The following SORD variants were observed in gnomAD, a reference collection of about 807,000 sequenced individuals.
SORD encodes (R,R)-butanediol dehydrogenase.
SORD carries 18 observed loss-of-function variants against 35.6 expected under a neutral mutation model. The ratio of observed to expected loss-of-function variants is 0.51; its 90% CI spans 0.35 to 0.75. SORD has a LOEUF of 0.75. Ranked by LOEUF, SORD falls within the 30% of genes least tolerant of loss-of-function variation. The pLI is 0.01. For missense variants in SORD, 250 were observed against 390.2 expected, an observed-to-expected ratio of 0.64 and a Z score of 3.03; for synonymous variants, 106 against 152.9, an observed-to-expected ratio of 0.69 and a Z score of 2.26.
chr15:45,063,919 C>T (rs978118626), intron 4 of SORD, among the ~76,000 whole-genome samples: 3 of 147,324 alleles, frequency 2.0e-5, no homozygotes, highest in Admixed American at 6.9e-5. Flanking sequence ...GGAAAGAAGC[C>T]GAGGGGAAGG....
At chr15:45,027,244 A>G (rs1892689026) in intron 1 of SORD, among the ~76,000 whole-genome samples, 1 of 152,276 alleles carries the variant, frequency 6.6e-6, no homozygotes, top group South Asian at 2.1e-4. Flanking sequence ...AGAAGCAAAC[A>G]GTGTCAGCTT....
At chr15:45,045,390 G>A (rs1326166161) in intron 3 of SORD, among the ~76,000 whole-genome samples, 21 of 151,862 alleles carry the variant, frequency 1.4e-4, no homozygotes, top group East Asian at 3.9e-4. Flanking sequence ...AAAATTAGCC[G>A]GACATGGTGG....
chr15:45,031,347 G>T (rs77922744), intron 1 of SORD, among the ~76,000 whole-genome samples: 30,698 of 150,858 alleles, frequency 0.2, 6 homozygotes, highest in African/African-American at 0.43. Flanking sequence ...AAACAACAGG[G>T]AATGAACCGT....
At chr15:45,052,556 ACT>A (rs1041884876) in intron 3 of SORD, among the ~76,000 whole-genome samples, 10 of 152,050 alleles carry the variant, frequency 6.6e-5, no homozygotes, top group African/African-American at 9.7e-5. Context: ...AAAAACTCTG[ACT>A]CTAAATTTTT....
intron 1 of SORD, among the ~76,000 whole-genome samples, chr15:45,025,893 A>G (rs1043123513): frequency 6.6e-6 from 1 of 152,212 alleles, no homozygotes; most frequent in Non-Finnish European, 1.5e-5. Context: ...TGCACAACAA[A>G]GAGTTGTCCT....
chr15:45,075,264 C>A lies in SORD; in HGVS notation c.*1734C>A, dbSNP rs2141130696. ...CAAATGATGCTCCCCATGCCACCAC[C>A]CCCACCAAGCAGCTCCTACTGATGA... is the stretch of plus-strand genomic sequence containing the variant. On this transcript the variant is annotated 3_prime_UTR_variant, in exon 9 of 9. Coordinates refer to ENST00000267814, the MANE Select transcript of SORD (RefSeq NM_003104.6). 7.9e-6 allele frequency: 1 copy of A among 126,604 alleles called. No individual in the cohort carries two copies. 7.8% of individuals were successfully genotyped at this position (126,604 alleles called of 1,614,324 possible). A position where few individuals can be genotyped will look rare whatever the true frequency, so the allele number is the denominator to read the frequency against.
At chr15:45,046,564 T>C (rs1458273811) in intron 3 of SORD, among the ~76,000 whole-genome samples, 1 of 152,190 alleles carries the variant, frequency 6.6e-6, no homozygotes, top group African/African-American at 2.4e-5. Flanking sequence ...CATATTTTGG[T>C]GGTCATAAAG....
chr15:45,063,908 G>C (rs1893363588), intron 4 of SORD, among the ~76,000 whole-genome samples: 1 of 149,710 alleles, frequency 6.7e-6, no homozygotes, highest in Non-Finnish European at 1.5e-5. Context: ...GGGAAGTGAT[G>C]GGAAAGAAGC....
chr15:45,069,760 T>C (rs1893479164), intron 7 of SORD: 1 of 152,156 alleles, frequency 6.6e-6, no homozygotes, highest in Admixed American at 6.5e-5. Context: ...AAAACTGCAG[T>C]CTTTAGTCAC....
At chr15:45,031,051 C>T (rs1400326188) in intron 1 of SORD, among the ~76,000 whole-genome samples, 1 of 150,756 alleles carries the variant, frequency 6.6e-6, no homozygotes, top group Non-Finnish European at 1.5e-5. Flanking sequence ...TCGGGGCAGC[C>T]ATGGTGGTTC....
chr15:45,057,704 A>T (rs550379053), intron 3 of SORD, among the ~76,000 whole-genome samples: 2 of 152,206 alleles, frequency 1.3e-5, no homozygotes, highest in Non-Finnish European at 2.9e-5. Flanking sequence ...AATGGCATGA[A>T]CCTGGGAGGC....
At chr15:45,040,358 G>A in intron 1 of SORD, 50 bp from the exon 2 acceptor site, 2 of 1,020,646 alleles carry the variant, frequency 2.0e-6, no homozygotes, top group Non-Finnish European at 3.1e-6. Context: ...TGTTCATAAG[G>A]TGAAGTTCTT....
intron 3 of SORD, among the ~76,000 whole-genome samples, chr15:45,053,365 G>C (rs1893159413): frequency 6.6e-6 from 1 of 152,192 alleles, no homozygotes; most frequent in South Asian, 2.1e-4. Context: ...TGCTGAACTT[G>C]ATACATTAAG....
chr15:45,039,997 G>A (rs977260500), intron 1 of SORD, among the ~76,000 whole-genome samples: 6 of 152,254 alleles, frequency 3.9e-5, no homozygotes, highest in Non-Finnish European at 7.4e-5. Flanking sequence ...ACCAGTGGGT[G>A]GGATGAGGTC....
chr15:45,039,273 C>T (rs563152944), intron 1 of SORD, among the ~76,000 whole-genome samples: 228 of 152,210 alleles, frequency 1.5e-3, no homozygotes, highest in African/African-American at 5.4e-3. Flanking sequence ...AGACTACAGG[C>T]GCGTGCCACC....
chr15:45,044,233 C>T (rs2141271339), intron 3 of SORD, among the ~76,000 whole-genome samples: 1 of 152,254 alleles, frequency 6.6e-6, no homozygotes, highest in East Asian at 1.9e-4. Flanking sequence ...TTATAGCTTC[C>T]AACAGCCACT....
rs761060748 is a variant in SORD, at chr15:45,023,364, A to C, written c.66+15A>C. 1 of 1,558,856 alleles carries C rather than the reference A, an allele frequency of 6.4e-7. No individual in the cohort carries two copies. Among genetic ancestry groups the C allele is most frequent in the Non-Finnish European group, 8.7e-7 (1 of 1,153,088 alleles). ...ACTTGCGCCTGGTAAGCTGGGAAGG[A>C]GGGTGGGAAGCATACCGATCCTGCC... On this transcript the variant is annotated intron_variant, in intron 1 of 8. Transcript: ENST00000267814.
chr15:45,038,487 G>A (rs936369229), intron 1 of SORD, among the ~76,000 whole-genome samples: 7 of 152,148 alleles, frequency 4.6e-5, no homozygotes, highest in Admixed American at 4.6e-4. Context: ...TGTTTCACAG[G>A]AGAAGAGGTT....
chr15:45,059,865 A>G (rs1036225412), intron 3 of SORD, among the ~76,000 whole-genome samples: 7 of 152,216 alleles, frequency 4.6e-5, no homozygotes, highest in Admixed American at 3.9e-4. Context: ...AGCAAGATTC[A>G]AAAGAGTATC....
Sources: allele counts gnomAD v4.1 joint callset (sites outside exome capture counted in the v4.1 genomes callset), GRCh38; gene constraint gnomAD v4.1.1; transcripts MANE v1.5; gene names NCBI Gene and HGNC (gene_info 2026-07-23, HGNC 2026-07-21).